The following TENM3 variants were observed in gnomAD, a reference collection of about 807,000 sequenced individuals.
TENM3 encodes the protein teneurin-3.
TENM3 carries 63 observed loss-of-function variants against 255.1 expected under a neutral mutation model. The observed-to-expected ratio is 0.25, with a 90% CI of 0.20 to 0.30. TENM3 has a LOEUF of 0.30. Ranked by LOEUF, TENM3 falls within the 10% of genes least tolerant of loss-of-function variation. The pLI is 1.00. For missense variants in TENM3, 2,929 were observed against 3,461.1 expected, an observed-to-expected ratio of 0.85 and a Z score of 3.86; for synonymous variants, 1,306 against 1,322.3, an observed-to-expected ratio of 0.99 and a Z score of 0.27.
intron 3 of TENM3, among the ~76,000 whole-genome samples, chr4:182,429,751 G>T (rs1452093646): frequency 6.6e-6 from 1 of 152,028 alleles, no homozygotes; most frequent in Non-Finnish European, 1.5e-5. Context: ...TTTGGTTCAG[G>T]TACCAACATT....
chr4:181,470,665 T>G, the TENM3 span, among the ~76,000 whole-genome samples: 1 of 152,198 alleles, frequency 6.6e-6, no homozygotes, highest in Admixed American at 6.5e-5. Flanking sequence ...GTCTTCAAAC[T>G]TTCTCTCTTC....
At chr4:181,543,734 G>T in the TENM3 span, among the ~76,000 whole-genome samples, 1 of 152,178 alleles carries the variant, frequency 6.6e-6, no homozygotes, top group Non-Finnish European at 1.5e-5. Flanking sequence ...AAATTATTTT[G>T]TAAGGTAGTT....
chr4:182,491,055 A>AACTC (rs1735251629), intron 3 of TENM3, among the ~76,000 whole-genome samples: 1 of 152,188 alleles, frequency 6.6e-6, no homozygotes. Flanking sequence ...TATTTTCCTG[A>AACTC]ACTCAGTTTT....
intron 3 of TENM3, among the ~76,000 whole-genome samples, chr4:182,347,588 G>C (rs62352288): frequency 1.3e-5 from 2 of 151,958 alleles, no homozygotes; most frequent in Non-Finnish European, 2.9e-5. Context: ...CCAAATAGCA[G>C]CTTTTTGTAT....
intron 2 of TENM3, among the ~76,000 whole-genome samples, chr4:182,329,367 G>C (rs1051838393): frequency 6.6e-6 from 1 of 152,180 alleles, no homozygotes; most frequent in Non-Finnish European, 1.5e-5. Flanking sequence ...GGGAGCAGCT[G>C]GTTTCCTTGG....
chr4:181,989,963 G>T, the TENM3 span, among the ~76,000 whole-genome samples: 1 of 152,138 alleles, frequency 6.6e-6, no homozygotes, highest in Non-Finnish European at 1.5e-5. Context: ...ACCAGCCTAG[G>T]TCTTATATAG....
At chr4:181,960,818 T>G in the TENM3 span, among the ~76,000 whole-genome samples, 3 of 152,202 alleles carry the variant, frequency 2.0e-5, no homozygotes, top group Non-Finnish European at 2.9e-5. Flanking sequence ...GACCACATAT[T>G]TTTTTAGAGT....
the TENM3 span, among the ~76,000 whole-genome samples, chr4:181,538,166 C>CA: frequency 1.3e-5 from 2 of 152,026 alleles, no homozygotes; most frequent in Non-Finnish European, 2.9e-5. Context: ...AATAATATTT[C>CA]AAATGTTAAA....
chr4:182,458,796 G>T (rs1774072128), intron 3 of TENM3, among the ~76,000 whole-genome samples: 1 of 152,134 alleles, frequency 6.6e-6, no homozygotes, highest in African/African-American at 2.4e-5. Context: ...GGAATAAGAA[G>T]TGACAGCATC....
chr4:182,044,304 T>G, the TENM3 span, among the ~76,000 whole-genome samples: 1 of 152,312 alleles, frequency 6.6e-6, no homozygotes, highest in South Asian at 2.1e-4. Context: ...TTCTTCAAAC[T>G]ATATGATTTA....
At chr4:181,819,498 C>T in the TENM3 span, among the ~76,000 whole-genome samples, 3 of 152,232 alleles carry the variant, frequency 2.0e-5, no homozygotes, top group South Asian at 4.1e-4. Flanking sequence ...GACATGCCAT[C>T]GGGATTGTTC....
chr4:182,100,828 T>TATACACATATACACATATATACAC, the TENM3 span, among the ~76,000 whole-genome samples: 25 of 7,736 alleles, frequency 3.2e-3, 8 homozygotes, highest in African/African-American at 7.1e-3. Flanking sequence ...TACACATATA[T>TATACACATATACACATATATACAC]ATATATATAT....
the TENM3 span, among the ~76,000 whole-genome samples, chr4:181,917,142 C>T: frequency 3.9e-5 from 6 of 152,100 alleles, no homozygotes; most frequent in African/African-American, 1.2e-4. Flanking sequence ...GGTGCTTGAA[C>T]ACATCAGCAA....
At chr4:181,678,479 T>C in the TENM3 span, among the ~76,000 whole-genome samples, 1 of 152,098 alleles carries the variant, frequency 6.6e-6, no homozygotes, top group Non-Finnish European at 1.5e-5. Flanking sequence ...TCCTTTCCTC[T>C]AATCCACAAA....
chr4:182,176,981 A>C (rs1157538838), intron 1 of TENM3, among the ~76,000 whole-genome samples: 1 of 151,900 alleles, frequency 6.6e-6, no homozygotes, highest in Non-Finnish European at 1.5e-5. Flanking sequence ...CAGTCAGTGT[A>C]CTGTTTTATT....
chr4:182,388,420 G>A (rs185044636), intron 3 of TENM3, among the ~76,000 whole-genome samples: 2 of 152,296 alleles, frequency 1.3e-5, no homozygotes, highest in African/African-American at 2.4e-5. Flanking sequence ...ACTAAGCTGT[G>A]TTACATCTTT....
chr4:182,106,219 T>A, the TENM3 span, among the ~76,000 whole-genome samples: 1 of 152,182 alleles, frequency 6.6e-6, no homozygotes, highest in African/African-American at 2.4e-5. Context: ...CTCAGCACTT[T>A]GGGAGGCTGA....
the TENM3 span, among the ~76,000 whole-genome samples, chr4:182,080,188 G>A: frequency 6.6e-6 from 1 of 152,346 alleles, no homozygotes; most frequent in African/African-American, 2.4e-5. Context: ...TTGCAAGTAA[G>A]GATGTGGAAA....
chr4:181,456,939 T>C, the TENM3 span, among the ~76,000 whole-genome samples: 4 of 151,866 alleles, frequency 2.6e-5, no homozygotes, highest in Non-Finnish European at 4.4e-5. Flanking sequence ...ATAGTTCACC[T>C]CTTTCACTGG....
Sources: allele counts gnomAD v4.1 joint callset (sites outside exome capture counted in the v4.1 genomes callset), GRCh38; gene constraint gnomAD v4.1.1; transcripts MANE v1.5; gene names NCBI Gene and HGNC (gene_info 2026-07-23, HGNC 2026-07-21).